JAM2: variants seen among roughly 807,000 people sequenced by gnomAD.
The protein encoded by JAM2 is junctional adhesion molecule 2, also known as junctional adhesion molecule B.
Under a neutral mutation model 42.0 loss-of-function variants are expected in JAM2, and 17 were observed. The observed-to-expected ratio is 0.40, with a 90% CI of 0.28 to 0.61. The LOEUF (loss-of-function observed/expected upper bound fraction) is 0.61. Among genes scored for constraint, JAM2 ranks in the 20% least tolerant of loss-of-function variants. The pLI, the probability that JAM2 is intolerant of heterozygous loss-of-function variation, is 0.37. For missense variants in JAM2, 319 were observed against 358.3 expected, an observed-to-expected ratio of 0.89 and a Z score of 0.89; for synonymous variants, 118 against 128.6, an observed-to-expected ratio of 0.92 and a Z score of 0.56.
intron 1 of JAM2, among the ~76,000 whole-genome samples, chr21:25,682,125 T>G (rs187680335): frequency 1.7e-4 from 26 of 152,382 alleles, no homozygotes; most frequent in Non-Finnish European, 1.9e-4. Context: ...GTGTCTTGCT[T>G]TATGCCAGGC....
intron 1 of JAM2, among the ~76,000 whole-genome samples, chr21:25,658,796 C>G (rs545263617): frequency 6.6e-6 from 1 of 152,188 alleles, no homozygotes; most frequent in Non-Finnish European, 1.5e-5. Flanking sequence ...CTCATGTTAA[C>G]ATTACTGTGA....
chr21:25,658,274 A>C (rs971131199), intron 1 of JAM2, among the ~76,000 whole-genome samples: 1 of 152,122 alleles, frequency 6.6e-6, no homozygotes, highest in Non-Finnish European at 1.5e-5. Context: ...AAGGTTGTAA[A>C]CTTGTAGAAC....
intron 8 of JAM2, chr21:25,711,509 A>G: frequency 2.4e-6 from 1 of 417,160 alleles, no homozygotes; most frequent in Non-Finnish European, 4.7e-6. Flanking sequence ...CCTTTGAAGA[A>G]TCATCTGCCA....
At chr21:25,676,299 A>AG (rs1263107431) in intron 1 of JAM2, among the ~76,000 whole-genome samples, 1 of 141,278 alleles carries the variant, frequency 7.1e-6, no homozygotes, top group African/African-American at 2.6e-5. Context: ...AAAAAAAAAA[A>AG]AAAAGAAAAA....
chr21:25,685,851 C>A (rs17794802), intron 2 of JAM2, among the ~76,000 whole-genome samples: 22,076 of 152,128 alleles, frequency 0.15, 1,861 homozygotes, highest in South Asian at 0.25. Context: ...CCTGAGGGAC[C>A]AAGGAAGTGA....
At chr21:25,661,634 T>G (rs2033091672) in intron 1 of JAM2, among the ~76,000 whole-genome samples, 1 of 151,904 alleles carries the variant, frequency 6.6e-6, no homozygotes, top group African/African-American at 2.4e-5. Flanking sequence ...TGTATATAAA[T>G]TATATGTTTG....
Position 25,649,578 on chromosome 21 carries a change from C to T in JAM2, c.67+9690C>T, listed in dbSNP as rs540592229. ...GATGAGATTTGGGTGGCGACACAAC[C>T]AAACCGTATTAGCATGTTAGTTGTA... On this transcript the variant is annotated intron_variant, in intron 1 of 9. Coordinates refer to ENST00000480456, the MANE Select transcript of JAM2 (RefSeq NM_021219.4). Among the ~76,000 whole-genome samples, 5 of 152,262 alleles carry T rather than the reference C, an allele frequency of 3.3e-5. 1 individual carries two copies. Among genetic ancestry groups the T allele is most frequent in the African/African-American group, 7.2e-5 (3 of 41,552 alleles).
At chr21:25,695,564 GC>G (rs1041891089) in intron 4 of JAM2, among the ~76,000 whole-genome samples, 3 of 149,704 alleles carry the variant, frequency 2.0e-5, no homozygotes, top group African/African-American at 5.1e-5. Flanking sequence ...GGGCAGAGGG[GC>G]CCCCCACCTC....
At chr21:25,704,231 C>T (rs1402588345) in intron 6 of JAM2, among the ~76,000 whole-genome samples, 2 of 152,102 alleles carry the variant, frequency 1.3e-5, no homozygotes, top group Non-Finnish European at 2.9e-5. Context: ...TCTCTCTGCT[C>T]TTTTTAATCC....
At chr21:25,665,931 T>C (rs1218725166) in intron 1 of JAM2, among the ~76,000 whole-genome samples, 1 of 151,988 alleles carries the variant, frequency 6.6e-6, no homozygotes, top group East Asian at 1.9e-4. Flanking sequence ...TTCCAGCTAC[T>C]CGGGAGGCTG....
At position 25,716,226 on chromosome 21, in the gene JAM2, C is replaced by T. The variant is rs2034478580; in HGVS notation, c.*1554C>T. The T allele has an allele frequency of 6.6e-6, 1 of 152,498 alleles. No individual in the cohort carries two copies. The highest frequency in any genetic ancestry group is 1.5e-5 in the Non-Finnish European group (1 of 68,368). The allele number at this position is 152,498 out of a possible 1,614,324, so 9.4% of individuals were successfully genotyped here. A position where few individuals can be genotyped will look rare whatever the true frequency, so the allele number is the denominator to read the frequency against. ...GGCCAGGCTGGTCTCAAACCTCTGA[C>T]CTCAAATGATCCACCCCCATCAGCC... On this transcript the variant is annotated 3_prime_UTR_variant, in exon 10 of 10. Transcript: ENST00000480456.
Position 25,645,690 on chromosome 21 carries a change from G to A in JAM2, c.67+5802G>A, listed in dbSNP as rs1600986116. On this transcript the variant is annotated intron_variant, in intron 1 of 9. Coordinates refer to ENST00000480456, the MANE Select transcript of JAM2 (RefSeq NM_021219.4). The stretch of plus-strand genomic sequence containing the variant: ...TGCGATGTGTTCTGAGAAATGTGTC[G>A]TTAGGTGATTTTGTTATTGTGTGAT... 7.2e-5 allele frequency among the ~76,000 whole-genome samples: 11 copies of A among 152,184 alleles called. No homozygotes were observed. The South Asian group carries it at 1.9e-3, about 26-fold the overall frequency.
intron 1 of JAM2, among the ~76,000 whole-genome samples, chr21:25,674,782 A>G (rs1376857942): frequency 6.6e-6 from 1 of 151,302 alleles, no homozygotes; most frequent in East Asian, 1.9e-4. Flanking sequence ...CTCTAAATCT[A>G]GTATGGTTAG....
chr21:25,709,637 G>C (rs367857068), intron 8 of JAM2, 188 bp downstream of exon 8: 1 of 425,442 alleles, frequency 2.4e-6, no homozygotes. Flanking sequence ...GAAAATACCC[G>C]AGACTGGGTA....
rs549487976 is a variant in JAM2 at position 25,683,291 on chromosome 21, A to T, written c.68-592A>T. On this transcript the variant is annotated intron_variant, in intron 1 of 9. Coordinates refer to ENST00000480456, the MANE Select transcript of JAM2 (RefSeq NM_021219.4). ...GTAGTGGTAGCCACCACAGTCAGTT[A>T]CTTCAGTCTATAGACCGGCTCTCAA... is the stretch of plus-strand genomic sequence containing the variant. Among the ~76,000 whole-genome samples the T allele has an allele frequency of 5.9e-5, 9 of 152,314 alleles. No individual in the cohort carries two copies. The South Asian group carries it at 1.9e-3, about 32-fold the overall frequency.
Position 25,706,091 on chromosome 21 carries a change from G to C in JAM2, c.805+5G>C. 2.6e-6 allele frequency: 4 copies of C among 1,563,544 alleles called. No homozygotes were observed. The highest frequency in any genetic ancestry group is 8.8e-7 in the Non-Finnish European group (1 of 1,133,916). On this transcript the variant is annotated splice_donor_5th_base_variant and intron_variant, in intron 7 of 9. Transcript: ENST00000480456. ...AGAGGAAAGGCTACTTTTCAAGTAAGTGAATTTCACCCTTCTTTGGCAGAT... is the reference window on the plus strand; with the variant it reads ...AGAGGAAAGGCTACTTTTCAAGTAACTGAATTTCACCCTTCTTTGGCAGAT...
At chr21:25,665,067 C>T (rs991040097) in intron 1 of JAM2, among the ~76,000 whole-genome samples, 1 of 152,140 alleles carries the variant, frequency 6.6e-6, no homozygotes. Flanking sequence ...TAGAGTGTTG[C>T]CTAGGGCTTT....
At chr21:25,640,257 A>G (rs569190279) in intron 1 of JAM2, among the ~76,000 whole-genome samples, 5 of 152,134 alleles carry the variant, frequency 3.3e-5, no homozygotes, top group Non-Finnish European at 7.4e-5. Flanking sequence ...GACCCCAAGA[A>G]AGATGGCATC....
rs181603206 is a variant in JAM2 at position 25,698,671 on chromosome 21, G to A, written c.395-6G>A. 11 of 1,612,022 alleles carry A rather than the reference G, an allele frequency of 6.8e-6. No individual in the cohort carries two copies. In the South Asian group the frequency reaches 1.1e-4, roughly 16 times the overall value. On this transcript the variant is annotated splice_region_variant and splice_polypyrimidine_tract_variant and intron_variant, in intron 4 of 9. Coordinates refer to ENST00000480456, the MANE Select transcript of JAM2 (RefSeq NM_021219.4). ...TAATCAATATCATTTGACTTCCATT[G>A]TTCAGTGGCTCCAGCAGTTCCATCA...
Sources: gnomAD v4.1 joint callset for allele counts (sites outside exome capture counted in the v4.1 genomes callset) on GRCh38, gnomAD v4.1.1 for gene constraint, MANE v1.5 for transcripts, NCBI Gene and HGNC (gene_info 2026-07-23, HGNC 2026-07-21) for gene names.